Variants in RCSD1 observed in about 807,000 individuals in gnomAD.
The protein encoded by RCSD1 is RCSD domain containing 1.
A neutral mutation model predicts 42.5 loss-of-function variants in RCSD1; 26 were observed. That is an observed-to-expected ratio of 0.61 (90% confidence interval 0.45 to 0.85). The LOEUF (loss-of-function observed/expected upper bound fraction) is 0.85, where lower values mean the gene tolerates loss of function less well. Among genes scored for constraint, RCSD1 ranks in the 40% least tolerant of loss-of-function variants. RCSD1 has a pLI of 0.00. For missense variants in RCSD1, 571 were observed against 528.3 expected, an observed-to-expected ratio of 1.08 and a Z score of -0.79; for synonymous variants, 220 against 212.2, an observed-to-expected ratio of 1.04 and a Z score of -0.32.
intron 1 of RCSD1, among the ~76,000 whole-genome samples, chr1:167,645,045 C>T (rs992863817): frequency 1.2e-4 from 18 of 152,176 alleles, no homozygotes; most frequent in African/African-American, 3.4e-4. Context: ...TGGCAGGCCA[C>T]GGGGCTCTAT....
At chr1:167,683,340 C>G (rs1055990482) in intron 1 of RCSD1, among the ~76,000 whole-genome samples, 3 of 152,196 alleles carry the variant, frequency 2.0e-5, no homozygotes, top group Non-Finnish European at 4.4e-5. Context: ...GGTCCCCAGG[C>G]TGGTAAGAGA....
At chr1:167,673,830 C>T (rs1658871030) in intron 1 of RCSD1, among the ~76,000 whole-genome samples, 1 of 152,212 alleles carries the variant, frequency 6.6e-6, no homozygotes, top group African/African-American at 2.4e-5. Flanking sequence ...CTTCCTCCTT[C>T]TCCCCTCATG....
intron 2 of RCSD1, 47 bp from the exon 3 acceptor site, chr1:167,685,374 C>A (rs1313868800): frequency 4.0e-6 from 6 of 1,495,444 alleles, no homozygotes; most frequent in South Asian, 1.1e-5. Context: ...GTTGCCTGAT[C>A]AGTGCTCTCT....
chr1:167,683,364 T>C (rs1190152208), intron 1 of RCSD1, among the ~76,000 whole-genome samples: 1 of 152,226 alleles, frequency 6.6e-6, no homozygotes, highest in African/African-American at 2.4e-5. Context: ...AGCAAGTCAG[T>C]GCTTGAATCC....
chr1:167,630,730 A>AAAAAAAAAAAAAAC (rs1657677019), intron 1 of RCSD1: 1 of 235,666 alleles, frequency 4.2e-6, no homozygotes, highest in African/African-American at 3.3e-5. Context: ...CTAAAAAAAA[A>AAAAAAAAAAAAAAC]AAAAAAAAAA....
intron 1 of RCSD1, among the ~76,000 whole-genome samples, chr1:167,671,448 C>T (rs1658804745): frequency 6.6e-6 from 1 of 152,204 alleles, no homozygotes; most frequent in South Asian, 2.1e-4. Flanking sequence ...GGGGCCAGCC[C>T]TTATCCATTT....
At chr1:167,649,119 G>A (rs1362738538) in intron 1 of RCSD1, among the ~76,000 whole-genome samples, 1 of 152,156 alleles carries the variant, frequency 6.6e-6, no homozygotes, top group Non-Finnish European at 1.5e-5. Flanking sequence ...GAGGGGCTGG[G>A]GGAAAGAAAG....
At chr1:167,689,417 G>T (rs559723911) in intron 3 of RCSD1, among the ~76,000 whole-genome samples, 38 of 151,422 alleles carry the variant, frequency 2.5e-4, no homozygotes, top group Non-Finnish European at 5.3e-4. Context: ...AGGAGGCGAA[G>T]GTTGCAGTGA....
intron 5 of RCSD1, among the ~76,000 whole-genome samples, chr1:167,694,919 G>A (rs975578854): frequency 1.3e-5 from 2 of 152,200 alleles, no homozygotes; most frequent in Non-Finnish European, 2.9e-5. Context: ...AAGGATCAGA[G>A]ATAGGGGCCA....
intron 5 of RCSD1, 133 bp from the exon 6 acceptor site, chr1:167,696,966 T>G: frequency 1.3e-6 from 1 of 754,382 alleles, no homozygotes; most frequent in Non-Finnish European, 2.1e-6. Flanking sequence ...TGATTCGTTC[T>G]CCTGGAAAAT....
At chr1:167,678,196 C>G (rs1460388039) in intron 1 of RCSD1, among the ~76,000 whole-genome samples, 1 of 152,160 alleles carries the variant, frequency 6.6e-6, no homozygotes, top group East Asian at 1.9e-4. Flanking sequence ...TGACTTTATG[C>G]AGTCTCGTAA....
chr1:167,658,215 C>T (rs1054171889), intron 1 of RCSD1, among the ~76,000 whole-genome samples: 41 of 152,322 alleles, frequency 2.7e-4, no homozygotes, highest in African/African-American at 8.4e-4. Flanking sequence ...AGAAACTTCA[C>T]ATATACCTTT....
At chr1:167,636,579 TG>T (rs1398475334) in intron 1 of RCSD1, among the ~76,000 whole-genome samples, 34 of 151,428 alleles carry the variant, frequency 2.2e-4, no homozygotes, top group African/African-American at 8.3e-4. Flanking sequence ...AGCTTCTTTT[TG>T]TTTTTTTTTG....
chr1:167,686,006 G>A lies in RCSD1; in HGVS notation c.198+496G>A, dbSNP rs574518038. On this transcript the variant is annotated intron_variant, in intron 3 of 6. Transcript: ENST00000367854. Reference sequence around the variant, plus strand: ...AAGATCACTGGAAGAAAACCAGAGCGCACAGGAGGCCTCGTTGCCCTCAGA... The same window carrying A: ...AAGATCACTGGAAGAAAACCAGAGCACACAGGAGGCCTCGTTGCCCTCAGA... Among the ~76,000 whole-genome samples the A allele has an allele frequency of 5.9e-5, 9 of 152,284 alleles. No homozygotes were observed. In the South Asian group the frequency reaches 6.2e-4, roughly 11 times the overall value.
chr1:167,639,772 G>A (rs1328268173), intron 1 of RCSD1, among the ~76,000 whole-genome samples: 1 of 152,210 alleles, frequency 6.6e-6, no homozygotes, highest in East Asian at 1.9e-4. Context: ...GGGATTACAG[G>A]CATGAGCCAT....
intron 1 of RCSD1, among the ~76,000 whole-genome samples, chr1:167,681,463 A>G (rs1231851049): frequency 1.3e-5 from 2 of 152,364 alleles, no homozygotes; most frequent in Non-Finnish European, 2.9e-5. Flanking sequence ...ACTAGGCTCC[A>G]GGAAAACAAA....
chr1:167,662,800 C>T (rs1229376), intron 1 of RCSD1, among the ~76,000 whole-genome samples: 46,356 of 152,006 alleles, frequency 0.3, 7,368 homozygotes, highest in Middle Eastern at 0.35. Context: ...CTGTAGCAAG[C>T]GCTGGGTTTG....
At chr1:167,696,680 T>C (rs1406421907) in intron 5 of RCSD1, among the ~76,000 whole-genome samples, 1 of 152,088 alleles carries the variant, frequency 6.6e-6, no homozygotes, top group Non-Finnish European at 1.5e-5. Flanking sequence ...CTTGAACTCC[T>C]GAGCTCAAGC....
At position 167,694,284 on chromosome 1, in the gene RCSD1, T is replaced by C; in HGVS notation, c.456T>C (p.His152=). Residue 152 remains histidine, a synonymous_variant, in exon 5 of 7, where the codon CAT becomes CAC. Coordinates refer to ENST00000367854, the MANE Select transcript of RCSD1 (RefSeq NM_052862.4). ...VSFDQPPEGS[H]LPCYNKVRTR... is the part of the protein sequence containing the mutation. Reference sequence around the variant, plus strand: ...TCGACCAGCCCCCTGAAGGCAGTCATCTGCCCTGTTACAACAAGGTAAATT... The same window carrying C: ...TCGACCAGCCCCCTGAAGGCAGTCACCTGCCCTGTTACAACAAGGTAAATT... The C allele has an allele frequency of 1.2e-6, 2 of 1,614,100 alleles. No homozygotes were observed. Among genetic ancestry groups the C allele is most frequent in the Non-Finnish European group, 1.7e-6 (2 of 1,179,988 alleles).
Sources: gnomAD v4.1 joint callset for allele counts (sites outside exome capture counted in the v4.1 genomes callset) on GRCh38, gnomAD v4.1.1 for gene constraint, MANE v1.5 for transcripts, NCBI Gene and HGNC (gene_info 2026-07-23, HGNC 2026-07-21) for gene names.